The following C1orf94 variants were observed in gnomAD, a reference collection of about 807,000 sequenced individuals.
C1orf94 encodes uncharacterized protein C1orf94.
In C1orf94, 45 loss-of-function variants were observed where a neutral mutation model predicts 53.6. The ratio of observed to expected loss-of-function variants is 0.84; its 90% CI spans 0.66 to 1.08. The LOEUF (loss-of-function observed/expected upper bound fraction) is 1.08. Ranked by LOEUF, C1orf94 falls within the 50% of genes least tolerant of loss-of-function variation. C1orf94 has a pLI of 0.00. For missense variants in C1orf94, 762 were observed against 738.9 expected (o/e 1.03, Z -0.36); for synonymous variants, 304 against 296.1 (o/e 1.03, Z -0.27).
chr1:34,212,964 A>G (rs902698324), intron 6 of C1orf94, among the ~76,000 whole-genome samples: 1 of 152,252 alleles, frequency 6.6e-6, no homozygotes, highest in African/African-American at 2.4e-5. Context: ...AAGGCTTAAC[A>G]GCAAACAGCC....
At chr1:34,176,299 TC>T (rs1408200704), upstream of C1orf94, among the ~76,000 whole-genome samples, 1 of 152,170 alleles carries the variant, frequency 6.6e-6, no homozygotes, top group Non-Finnish European at 1.5e-5. Flanking sequence ...CTCTTGCTTT[TC>T]CTTTTCAGGG....
intron 4 of C1orf94, among the ~76,000 whole-genome samples, chr1:34,203,046 T>G (rs976671813): frequency 6.6e-6 from 1 of 152,242 alleles, no homozygotes; most frequent in African/African-American, 2.4e-5. Context: ...CATTTTATAT[T>G]AGGGACTTGA....
intron 5 of C1orf94, among the ~76,000 whole-genome samples, chr1:34,210,248 G>A (rs939786045): frequency 1.3e-5 from 2 of 152,152 alleles, no homozygotes; most frequent in African/African-American, 2.4e-5. Context: ...TGACCCATAG[G>A]GTCATGACTC....
In C1orf94 at chr1:34,186,524, T is replaced by C. The variant is rs143271461; in HGVS notation, c.320+8415T>C. 3.8e-3 allele frequency among the ~76,000 whole-genome samples: 580 copies of C among 152,318 alleles called. 4 individuals carry two copies. The highest frequency in any genetic ancestry group is 0.013 in the African/African-American group (534 of 41,564). ...GATAACAGCATCTGGTTTGAGATTC[T>C]TGGCAGCCAGGGCATAAAGGGAGAT... On this transcript the variant is annotated intron_variant, in intron 1 of 6. Coordinates refer to ENST00000488417, the MANE Select transcript of C1orf94 (RefSeq NM_001134734.2).
At chr1:34,196,423 A>G (rs902462125) in intron 1 of C1orf94, among the ~76,000 whole-genome samples, 1 of 152,134 alleles carries the variant, frequency 6.6e-6, no homozygotes, top group African/African-American at 2.4e-5. Flanking sequence ...CTGGTGCTGT[A>G]CATGAAGGGA....
At chr1:34,212,486 G>C in intron 6 of C1orf94, 80 bp downstream of exon 6, 1 of 1,377,580 alleles carries the variant, frequency 7.3e-7, no homozygotes, top group Non-Finnish European at 9.8e-7. Flanking sequence ...GCTTACCAGC[G>C]CTTTCTTAGT....
intron 1 of C1orf94, among the ~76,000 whole-genome samples, chr1:34,192,034 C>T (rs1642501773): frequency 6.6e-6 from 1 of 152,144 alleles, no homozygotes; most frequent in African/African-American, 2.4e-5. Flanking sequence ...CTTCTTTTGT[C>T]AGGAGCCCAG....
chr1:34,208,990 A>G (rs1382411251), intron 5 of C1orf94, among the ~76,000 whole-genome samples: 1 of 152,196 alleles, frequency 6.6e-6, no homozygotes, highest in African/African-American at 2.4e-5. Context: ...TGAATTTCAG[A>G]TAAACAAGGA....
At chr1:34,203,308 G>T (rs1201344317) in intron 4 of C1orf94, among the ~76,000 whole-genome samples, 1 of 152,146 alleles carries the variant, frequency 6.6e-6, no homozygotes, top group African/African-American at 2.4e-5. Flanking sequence ...TGTATTTTTA[G>T]TAGAGACTGG....
intron 1 of C1orf94, among the ~76,000 whole-genome samples, chr1:34,180,963 C>A (rs567182172): frequency 6.6e-6 from 1 of 152,274 alleles, no homozygotes; most frequent in South Asian, 2.1e-4. Flanking sequence ...ACTGTCCCTG[C>A]CAAGTGGTGC....
intron 2 of C1orf94, among the ~76,000 whole-genome samples, chr1:34,198,989 T>C (rs1571344764): frequency 6.6e-6 from 1 of 152,268 alleles, no homozygotes; most frequent in South Asian, 2.1e-4. Context: ...CTGGAGGCAG[T>C]TCTGGTCCCA....
intron 1 of C1orf94, among the ~76,000 whole-genome samples, chr1:34,194,638 A>G (rs1295602517): frequency 6.6e-6 from 1 of 152,160 alleles, no homozygotes; most frequent in Non-Finnish European, 1.5e-5. Flanking sequence ...TGTTTCATCT[A>G]TTACTCCCTC....
At chr1:34,187,762 T>TCCCC (rs1390993739) in intron 1 of C1orf94, among the ~76,000 whole-genome samples, 8 of 16,568 alleles carry the variant, frequency 4.8e-4, no homozygotes, top group Non-Finnish European at 6.3e-4. Flanking sequence ...GCTCACTGAA[T>TCCCC]CCACCCACCC....
chr1:34,177,397 G>T lies in C1orf94; in HGVS notation c.-393G>T, dbSNP rs1387735887. 2.0e-5 allele frequency among the ~76,000 whole-genome samples: 3 copies of T among 152,190 alleles called. No homozygotes were observed. The highest frequency in any genetic ancestry group is 7.2e-5 in the African/African-American group (3 of 41,468). ...GCGGGACAGCATGGGCTGAGCCCAG[G>T]CGCCGAAAGTTGTCACGGCGGCGTC... On this transcript the variant is annotated 5_prime_UTR_variant, in exon 1 of 7. Transcript: ENST00000488417.
Position 34,206,644 on chromosome 1 carries a change from A to G in C1orf94, c.1447-1513A>G, listed in dbSNP as rs142553728. Reference sequence around the variant, plus strand: ...GGGATCAGAGGAGGCGGCGAAACAGAGGAGGGACACTTAGCAACATGCCTA... The same window carrying G: ...GGGATCAGAGGAGGCGGCGAAACAGGGGAGGGACACTTAGCAACATGCCTA... On this transcript the variant is annotated intron_variant, in intron 4 of 6. Coordinates refer to ENST00000488417, the MANE Select transcript of C1orf94 (RefSeq NM_001134734.2). Among the ~76,000 whole-genome samples the G allele has an allele frequency of 2.6e-5, 4 of 152,360 alleles. No individual in the cohort carries two copies. In the East Asian group the frequency reaches 5.8e-4, roughly 22 times the overall value.
intron 1 of C1orf94, among the ~76,000 whole-genome samples, chr1:34,169,491 G>A (rs7529786): frequency 0.25 from 38,312 of 151,878 alleles, 5,014 homozygotes; most frequent in Admixed American, 0.34. Flanking sequence ...AGAATACAAG[G>A]CCTGATGCTC....
At chr1:34,170,839 C>G (rs920229246) in intron 1 of C1orf94, among the ~76,000 whole-genome samples, 2 of 152,054 alleles carry the variant, frequency 1.3e-5, no homozygotes. Context: ...ACCTATTTAT[C>G]CTGGACTCCC....
In C1orf94 at chr1:34,177,931, C is replaced by T. The variant is rs1642254795; in HGVS notation, c.142C>T (p.Pro48Ser). 1 of 1,551,690 alleles carries T rather than the reference C, an allele frequency of 6.4e-7. No homozygotes were observed. The highest frequency in any genetic ancestry group is 2.4e-5 in the East Asian group (1 of 40,908). The change falls in exon 1 of 7, where the codon CCC (proline) becomes TCC (serine). Residue 48 changes from proline (P) to serine (S), a missense_variant. By Grantham distance (74) the Pro-to-Ser change is moderately conservative. Coordinates refer to ENST00000488417, the MANE Select transcript of C1orf94 (RefSeq NM_001134734.2). ...AKGPCALGPFPRYIWIHQDTP... is the reference protein window; with the variant it reads ...AKGPCALGPFSRYIWIHQDTP... ...GGGCCCCTGCGCCCTGGGCCCATTC[C>T]CCAGATACATCTGGATCCACCAGGA...
In C1orf94 at chr1:34,217,521, G is replaced by A. The variant is rs115026301; in HGVS notation, c.1722-1165G>A. On this transcript the variant is annotated intron_variant, in intron 6 of 6. Coordinates refer to ENST00000488417, the MANE Select transcript of C1orf94 (RefSeq NM_001134734.2). ...AGAGAGAAACAGAGGTGGGGTTACCGCTGGCATGGATTGCTTATGAGGGAC... is the reference window on the plus strand; with the variant it reads ...AGAGAGAAACAGAGGTGGGGTTACCACTGGCATGGATTGCTTATGAGGGAC... 6.4e-3 allele frequency among the ~76,000 whole-genome samples: 968 copies of A among 152,234 alleles called. 10 individuals are homozygous for A. Among genetic ancestry groups the A allele is most frequent in the African/African-American group, 0.021 (891 of 41,528 alleles).
Sources: allele counts gnomAD v4.1 joint callset (sites outside exome capture counted in the v4.1 genomes callset), GRCh38; gene constraint gnomAD v4.1.1; transcripts MANE v1.5; gene names NCBI Gene and HGNC (gene_info 2026-07-23, HGNC 2026-07-21).